Variants in GCNA observed in about 807,000 individuals in gnomAD.
The protein encoded by GCNA is germ cell nuclear acidic protein.
A neutral mutation model predicts 38.8 loss-of-function variants in GCNA; 3 were observed. The observed-to-expected ratio is 0.08, with a 90% confidence interval of 0.04 to 0.20. The LOEUF (loss-of-function observed/expected upper bound fraction) is 0.20, where lower values mean the gene tolerates loss of function less well. GCNA is among the 10% of genes least tolerant of loss of function. The pLI is 1.00. For synonymous variants in GCNA, 195 were observed against 240.2 expected (o/e 0.81, Z 1.74); for missense variants, 446 against 578.6 (o/e 0.77, Z 2.35).
At chrX:71,599,169 T>A (rs1451442548) in intron 7 of GCNA, among the ~76,000 whole-genome samples, 1 of 110,786 alleles carries the variant, frequency 9.0e-6, no homozygotes, top group African/African-American at 3.3e-5. Context: ...ACCAGCTACT[T>A]CTTAGATAAC....
intron 11 of GCNA, among the ~76,000 whole-genome samples, chrX:71,612,053 A>G (rs898204276): frequency 6.6e-5 from 7 of 105,883 alleles, no homozygotes; most frequent in African/African-American, 2.4e-4. Context: ...TGGGTGGATC[A>G]CCTGAGGTCA....
At chrX:71,603,271 G>A (rs1384091727) in intron 7 of GCNA, among the ~76,000 whole-genome samples, 1 of 112,126 alleles carries the variant, frequency 8.9e-6, no homozygotes, top group South Asian at 3.7e-4. Context: ...GGCCTTTCAT[G>A]ATTCCATATA....
In GCNA at chrX:71,597,922, CTTG is replaced by C. The variant is rs747817337; in HGVS notation, c.222-25_222-23del. 1.9e-5 allele frequency: 21 copies of C among 1,120,052 alleles called. No homozygotes were observed. In the Admixed American group the frequency reaches 4.7e-4, roughly 25 times the overall value. 92.3% of individuals were successfully genotyped at this position (1,120,052 alleles called of 1,213,427 possible). ...AAGACTGTTGCGTTCATACTTCTCT[CTTG>C]TTTTTCTCCTGTTTCATCACTCAGC... On this transcript the variant is annotated intron_variant, in intron 6 of 12. Coordinates refer to ENST00000373696, the MANE Select transcript of GCNA (RefSeq NM_052957.5).
In GCNA at chrX:71,586,846, G is replaced by A. The variant is rs779416709; in HGVS notation, c.60-5276G>A. Among the ~76,000 whole-genome samples, 16 of 111,652 alleles carry A rather than the reference G, an allele frequency of 1.4e-4. No homozygotes were observed. The South Asian group carries it at 6.0e-3, about 42-fold the overall frequency. Reference sequence around the variant, plus strand: ...GCTGATCTTAAATTCCTGACCTCAGGTGATCCGCCTGCCTCAGCCTCCCAA... The same window carrying A: ...GCTGATCTTAAATTCCTGACCTCAGATGATCCGCCTGCCTCAGCCTCCCAA... On this transcript the variant is annotated intron_variant, in intron 2 of 12. Coordinates refer to ENST00000373696, the MANE Select transcript of GCNA (RefSeq NM_052957.5).
chrX:71,607,456 A>G (rs1200719299), intron 9 of GCNA, among the ~76,000 whole-genome samples: 1 of 112,136 alleles, frequency 8.9e-6, no homozygotes, highest in Non-Finnish European at 1.9e-5. Flanking sequence ...ATTTGCTCCC[A>G]TTTTGTCTTT....
rs2280962 is a variant in GCNA, at chrX:71,612,891, C to T, written c.1985C>T (p.Thr662Ile). Reference sequence around the variant, plus strand: ...GGCTGCTACACCAAATCGTTGGACACCAGCCGCTTCATCTGTGCCAAATGC... The same window carrying T: ...GGCTGCTACACCAAATCGTTGGACATCAGCCGCTTCATCTGTGCCAAATGC... ...RIGCYTKSLD[T>I]SRFICAKCKG... Residue 662 changes from threonine (T) to isoleucine (I), a missense_variant, in exon 13 of 13, where the codon ACC becomes ATC. Physicochemically the swap from Thr to Ile is moderately conservative, Grantham distance 89. Transcript: ENST00000373696. 1.4e-3 allele frequency: 1,670 copies of T among 1,209,629 alleles called. 26 individuals are homozygous for T. The East Asian group carries it at 0.041, about 30-fold the overall frequency.
At chrX:71,611,874 G>A (rs2040812979) in intron 11 of GCNA, among the ~76,000 whole-genome samples, 1 of 111,479 alleles carries the variant, frequency 9.0e-6, no homozygotes, top group Admixed American at 9.5e-5. Context: ...TATTCACTTT[G>A]AGAATCCTGG....
At chrX:71,611,534 A>T in intron 11 of GCNA, among the ~76,000 whole-genome samples, 1 of 112,012 alleles carries the variant, frequency 8.9e-6, no homozygotes, top group Non-Finnish European at 1.9e-5. Context: ...ACATAGCGAG[A>T]CTTAGTCTCT....
intron 1 of GCNA, among the ~76,000 whole-genome samples, chrX:71,578,910 G>T (rs1314256815): frequency 1.0e-4 from 11 of 106,835 alleles, no homozygotes; most frequent in Non-Finnish European, 2.0e-5. Context: ...CCAGTGGCGG[G>T]TGGAGAGAAG....
intron 2 of GCNA, 73 bp downstream of exon 2, chrX:71,580,953 A>G (rs2040542606): frequency 2.0e-6 from 2 of 989,530 alleles, no homozygotes; most frequent in East Asian, 3.4e-5. Flanking sequence ...CTCGAGAAGT[A>G]TGTTTATTTC....
intron 3 of GCNA, 79 bp downstream of exon 3, chrX:71,592,247 G>A (rs2040634830): frequency 1.6e-5 from 15 of 930,027 alleles, no homozygotes; most frequent in Non-Finnish European, 2.3e-5. Flanking sequence ...GGGATGTCTG[G>A]CCTAAGTTGG....
intron 11 of GCNA, among the ~76,000 whole-genome samples, chrX:71,611,531 G>A (rs1370578973): frequency 3.6e-5 from 4 of 111,603 alleles, no homozygotes; most frequent in Non-Finnish European, 7.5e-5. Context: ...GCAACATAGC[G>A]AGACTTAGTC....
intron 1 of GCNA, among the ~76,000 whole-genome samples, chrX:71,578,969 T>C: frequency 1.9e-5 from 1 of 53,965 alleles, no homozygotes; most frequent in Non-Finnish European, 3.6e-5. Context: ...CCTGTGGCAG[T>C]GTCGGGGAAG....
At position 71,583,224 on chromosome X, in the gene GCNA, C is replaced by T. The variant is rs182466643; in HGVS notation, c.59+2344C>T. Among the ~76,000 whole-genome samples the T allele has an allele frequency of 3.6e-5, 4 of 111,982 alleles. No individual in the cohort carries two copies. In the Admixed American group the frequency reaches 3.8e-4, roughly 11 times the overall value. ...AAGGATAAATAAGATACATTGTCTC[C>T]GGGAAGAGCAAGGACAGAGTGTCAC... On this transcript the variant is annotated intron_variant, in intron 2 of 12. Transcript: ENST00000373696.
In GCNA at chrX:71,604,552, G is replaced by C. The variant is rs1267389824; in HGVS notation, c.1275G>C (p.Arg425Ser). Residue 425 changes from arginine (R) to serine (S), a missense_variant, in exon 8 of 13, where the codon AGG (arginine) becomes AGC (serine). By Grantham distance (110) the Arg-to-Ser change is moderately radical. Coordinates refer to ENST00000373696, the MANE Select transcript of GCNA (RefSeq NM_052957.5). The part of the protein sequence containing the change: ...SKTKTIVEPP[R>S]KRQTKTKNIV... Reference sequence around the variant, plus strand: ...CCAAAACTATTGTGGAGCCACCGAGGAAAAGGCAGACAAAGACCAAAAATA... The same window carrying C: ...CCAAAACTATTGTGGAGCCACCGAGCAAAAGGCAGACAAAGACCAAAAATA... 2 of 1,191,385 alleles carry C rather than the reference G, an allele frequency of 1.7e-6. No individual in the cohort carries two copies. Among genetic ancestry groups the C allele is most frequent in the Admixed American group, 2.4e-5 (1 of 42,369 alleles).
intron 9 of GCNA, among the ~76,000 whole-genome samples, chrX:71,606,368 A>G (rs1237817793): frequency 8.9e-6 from 1 of 112,492 alleles, no homozygotes; most frequent in Admixed American, 9.4e-5. Flanking sequence ...ACTGAAAACA[A>G]CCACTGATCC....
chrX:71,580,797 T>C, intron 1 of GCNA, 23 bp from the exon 2 acceptor site: 1 of 1,187,023 alleles, frequency 8.4e-7, no homozygotes, highest in Non-Finnish European at 1.1e-6. Flanking sequence ...CTTAAGAAAG[T>C]GTATCTTTGT....
At chrX:71,589,121 G>A (rs540937716) in intron 2 of GCNA, among the ~76,000 whole-genome samples, 1 of 110,429 alleles carries the variant, frequency 9.1e-6, no homozygotes, top group African/African-American at 3.3e-5. Context: ...CTCCCAAAGT[G>A]TTGGGATTAT....
At chrX:71,579,163 C>T (rs1207934089) in intron 1 of GCNA, among the ~76,000 whole-genome samples, 2 of 87,452 alleles carry the variant, frequency 2.3e-5, no homozygotes, top group Non-Finnish European at 4.5e-5. Flanking sequence ...GAAGTGAGGG[C>T]GCTGGTTGCG....
Sources: gnomAD v4.1 joint callset for allele counts (sites outside exome capture counted in the v4.1 genomes callset) on GRCh38, gnomAD v4.1.1 for gene constraint, MANE v1.5 for transcripts, NCBI Gene and HGNC (gene_info 2026-07-23, HGNC 2026-07-21) for gene names.